The following SEMA3D variants were observed in gnomAD, a reference collection of about 807,000 sequenced individuals.
The protein encoded by SEMA3D is semaphorin 3D.
Under a neutral mutation model 100.1 loss-of-function variants are expected in SEMA3D, and 84 were observed. The ratio of observed to expected loss-of-function variants is 0.84; its 90% confidence interval spans 0.70 to 1.01. The LOEUF is 1.01. Among genes scored for constraint, SEMA3D ranks in the 50% least tolerant of loss-of-function variants. The pLI is 0.00. For synonymous variants in SEMA3D, 312 were observed against 320.7 expected (o/e 0.97, Z 0.29); for missense variants, 875 against 934.1 (o/e 0.94, Z 0.82).
intron 2 of SEMA3D, among the ~76,000 whole-genome samples, chr7:85,139,378 G>T (rs1224762840): frequency 6.6e-6 from 1 of 151,958 alleles, no homozygotes; most frequent in Non-Finnish European, 1.5e-5. Flanking sequence ...ATGCAATGTA[G>T]CAAAAATATC....
chr7:85,035,150 T>A (rs1790657820), intron 12 of SEMA3D, among the ~76,000 whole-genome samples: 1 of 151,626 alleles, frequency 6.6e-6, no homozygotes, highest in Non-Finnish European at 1.5e-5. Context: ...ATGTATACAA[T>A]ATATCTAGGA....
At chr7:85,126,375 CGTG>C (rs1789564196) in intron 2 of SEMA3D, among the ~76,000 whole-genome samples, 1 of 130,942 alleles carries the variant, frequency 7.6e-6, no homozygotes, top group East Asian at 2.3e-4. Flanking sequence ...GATTCTTTCT[CGTG>C]TGTGTGTGTG....
chr7:85,188,344 C>A (rs548733123), upstream of SEMA3D, among the ~76,000 whole-genome samples: 1 of 152,254 alleles, frequency 6.6e-6, no homozygotes, highest in African/African-American at 2.4e-5. Context: ...AACCAATCAA[C>A]CCCATAAATA....
the SEMA3D span, among the ~76,000 whole-genome samples, chr7:85,249,956 C>T: frequency 1.8e-4 from 27 of 152,232 alleles, no homozygotes; most frequent in Admixed American, 1.0e-3. Flanking sequence ...ATCTGAGGTA[C>T]CGGGTTCATC....
chr7:85,221,702 T>G, the SEMA3D span, among the ~76,000 whole-genome samples: 1 of 152,066 alleles, frequency 6.6e-6, no homozygotes, highest in Non-Finnish European at 1.5e-5. Context: ...AATAATGTTA[T>G]GAGTATCTTT....
intron 4 of SEMA3D, 108 bp from the exon 5 acceptor site, chr7:85,081,687 C>A: frequency 2.7e-6 from 2 of 729,514 alleles, no homozygotes; most frequent in Admixed American, 2.3e-5. Flanking sequence ...GAGTATTAAG[C>A]ATGTTGTTAG....
the SEMA3D span, among the ~76,000 whole-genome samples, chr7:85,200,489 T>G: frequency 2.6e-5 from 4 of 152,220 alleles, no homozygotes; most frequent in African/African-American, 7.2e-5. Context: ...AGAGAGATAA[T>G]TTAGGGTATC....
chr7:85,229,701 T>C, the SEMA3D span, among the ~76,000 whole-genome samples: 1 of 152,248 alleles, frequency 6.6e-6, no homozygotes, highest in East Asian at 1.9e-4. Context: ...AATTCCCTTC[T>C]AATAATAGAA....
At chr7:85,006,713 G>A (rs1247595596) in intron 18 of SEMA3D, 89 bp downstream of exon 18, 6 of 981,606 alleles carry the variant, frequency 6.1e-6, no homozygotes, top group African/African-American at 1.7e-5. Flanking sequence ...AAATAATGAT[G>A]AGAGTAGCAT....
At position 84,996,569 on chromosome 7, in the gene SEMA3D, T is replaced by C. The variant is rs1283170557; in HGVS notation, c.*2871A>G. 6.6e-6 allele frequency: 1 copy of C among 152,378 alleles called. No homozygotes were observed. The highest frequency in any genetic ancestry group is 1.5e-5 in the Non-Finnish European group (1 of 67,918). The allele number at this position is 152,378 out of a possible 1,614,324, so 9.4% of individuals were successfully genotyped here. ...AAAAAAGGACTCTACATAAATTAAT[T>C]AGACAATTCATTTCTAAATAAAATC... On this transcript the variant is annotated 3_prime_UTR_variant, in exon 19 of 19. Transcript: ENST00000284136.
chr7:85,171,102 T>C (rs932212110), intron 1 of SEMA3D, among the ~76,000 whole-genome samples: 16 of 152,038 alleles, frequency 1.1e-4, no homozygotes, highest in East Asian at 7.7e-4. Context: ...GTGAGCTTCC[T>C]TTCCACCAAA....
chr7:85,236,053 C>T, the SEMA3D span, among the ~76,000 whole-genome samples: 1 of 152,030 alleles, frequency 6.6e-6, no homozygotes. Context: ...CCCCAATTTT[C>T]ATATGTAACT....
At chr7:85,104,984 C>A (rs554559258) in intron 3 of SEMA3D, among the ~76,000 whole-genome samples, 69 of 152,100 alleles carry the variant, frequency 4.5e-4, no homozygotes, top group African/African-American at 1.6e-3. Flanking sequence ...ATACAGTCAC[C>A]TTTCCCTGCC....
At chr7:85,226,800 T>C in the SEMA3D span, among the ~76,000 whole-genome samples, 1 of 152,308 alleles carries the variant, frequency 6.6e-6, no homozygotes, top group African/African-American at 2.4e-5. Context: ...CTTTATGGAA[T>C]AGAAACTTTA....
intron 2 of SEMA3D, among the ~76,000 whole-genome samples, chr7:85,134,541 A>G (rs566992910): frequency 1.2e-4 from 18 of 152,168 alleles, no homozygotes; most frequent in Admixed American, 7.9e-4. Flanking sequence ...AAATCTTGCA[A>G]GATTTTCATT....
chr7:85,070,013 T>C (rs1240893548), intron 6 of SEMA3D, among the ~76,000 whole-genome samples: 1 of 152,230 alleles, frequency 6.6e-6, no homozygotes, highest in Admixed American at 6.5e-5. Flanking sequence ...ATACAATCAT[T>C]TTCTCATTTT....
At chr7:85,140,582 T>A (rs933425199) in intron 2 of SEMA3D, 1 of 939,870 alleles carries the variant, frequency 1.1e-6, no homozygotes, top group African/African-American at 1.8e-5. Context: ...TTTATCTATA[T>A]CTATATCTAT....
At chr7:85,099,633 T>C (rs1308755122) in intron 3 of SEMA3D, among the ~76,000 whole-genome samples, 2 of 151,974 alleles carry the variant, frequency 1.3e-5, no homozygotes, top group African/African-American at 4.8e-5. Context: ...TATACCACTT[T>C]GCATTTCCAC....
intron 3 of SEMA3D, among the ~76,000 whole-genome samples, chr7:85,115,553 T>G (rs1166823243): frequency 6.6e-6 from 1 of 152,206 alleles, no homozygotes; most frequent in Admixed American, 6.6e-5. Flanking sequence ...TTCCTTTAGT[T>G]CAAACTTTCC....
Sources: gnomAD v4.1 joint callset for allele counts (sites outside exome capture counted in the v4.1 genomes callset) on GRCh38, gnomAD v4.1.1 for gene constraint, MANE v1.5 for transcripts, NCBI Gene and HGNC (gene_info 2026-07-23, HGNC 2026-07-21) for gene names.